Variants in LMNTD1 observed in about 807,000 individuals in gnomAD.
LMNTD1 encodes lamin tail domain-containing protein 1.
LMNTD1 carries 35 observed loss-of-function variants against 50.9 expected under a neutral mutation model. The ratio of observed to expected loss-of-function variants is 0.69; its 90% CI spans 0.53 to 0.91. The LOEUF is 0.91. Among genes scored for constraint, LMNTD1 ranks in the 40% least tolerant of loss-of-function variants. The probability of loss-of-function intolerance (pLI) is 0.00; values close to 1 mark genes in which losing one functional copy is unlikely to be tolerated. For missense variants in LMNTD1, 470 were observed against 475.5 expected (o/e 0.99, Z 0.11); for synonymous variants, 153 against 161.9 (o/e 0.94, Z 0.42).
Position 25,549,446 on chromosome 12 carries a change from C to T in LMNTD1, c.190G>A (p.Gly64Arg), listed in dbSNP as rs1282448764. 5 of 1,613,230 alleles carry T rather than the reference C, an allele frequency of 3.1e-6. No homozygotes were observed. The highest frequency in any genetic ancestry group is 4.2e-6 in the Non-Finnish European group (5 of 1,179,358). Residue 64 changes from glycine (G) to arginine (R), a missense_variant, in exon 3 of 10, where the codon GGA (glycine) becomes AGA (arginine). Gly to Arg is a moderately radical substitution (Grantham distance 125). Transcript: ENST00000458174. ...TLPLSSSNSS[G>R]MPLGYYLSSP... ...GACAGATAGTAACCAAGAGGCATTC[C>T]ACTGGAATTTGAAGATGACAATGGC...
At chr12:25,551,192 A>C (rs1943725414) in intron 2 of LMNTD1, among the ~76,000 whole-genome samples, 2 of 152,196 alleles carry the variant, frequency 1.3e-5, no homozygotes, top group Non-Finnish European at 1.5e-5. Flanking sequence ...GCTTCATAAC[A>C]GACTGGCTAT....
chr12:25,496,422 C>T (rs1213603024), intron 9 of LMNTD1, among the ~76,000 whole-genome samples: 1 of 152,112 alleles, frequency 6.6e-6, no homozygotes, highest in African/African-American at 2.4e-5. Flanking sequence ...ATGAACAAAA[C>T]GGAACAGTCT....
intron 1 of LMNTD1, among the ~76,000 whole-genome samples, chr12:25,645,427 T>C (rs551097503): frequency 1.1e-4 from 17 of 152,272 alleles, no homozygotes; most frequent in African/African-American, 4.1e-4. Flanking sequence ...TTGTGACCAT[T>C]AGACATATTT....
chr12:25,562,245 AT>A (rs1483198037), intron 1 of LMNTD1, among the ~76,000 whole-genome samples: 1 of 152,096 alleles, frequency 6.6e-6, no homozygotes, highest in Non-Finnish European at 1.5e-5. Context: ...GGTCTTTACA[AT>A]TTGCCATGTT....
chr12:25,558,051 T>A (rs531725914), upstream of LMNTD1, among the ~76,000 whole-genome samples: 1 of 152,196 alleles, frequency 6.6e-6, no homozygotes, highest in African/African-American at 2.4e-5. Flanking sequence ...AGGAACCCTG[T>A]TTAAAATATG....
chr12:25,577,582 G>T (rs936461078), intron 1 of LMNTD1, among the ~76,000 whole-genome samples: 1 of 151,978 alleles, frequency 6.6e-6, no homozygotes, highest in Non-Finnish European at 1.5e-5. Flanking sequence ...GGAGATTTTG[G>T]GCTGAGACAA....
intron 6 of LMNTD1, among the ~76,000 whole-genome samples, chr12:25,520,999 T>C (rs1941278167): frequency 1.3e-5 from 2 of 152,240 alleles, no homozygotes; most frequent in Admixed American, 6.5e-5. Context: ...TGGCCATTTT[T>C]TAAATGTCTT....
chr12:25,614,827 C>T (rs1347166195), intron 1 of LMNTD1, among the ~76,000 whole-genome samples: 6 of 152,064 alleles, frequency 3.9e-5, no homozygotes, highest in Admixed American at 3.9e-4. Context: ...AGTCCAAGAC[C>T]AAGGTATTGT....
chr12:25,478,175 TCAATC>T (rs1398658412), intron 9 of LMNTD1, among the ~76,000 whole-genome samples: 1 of 152,122 alleles, frequency 6.6e-6, no homozygotes, highest in Admixed American at 6.6e-5. Context: ...GATCAATACT[TCAATC>T]CAATCAAGTT....
chr12:25,605,441 G>C (rs1413774181), intron 1 of LMNTD1, among the ~76,000 whole-genome samples: 6 of 152,250 alleles, frequency 3.9e-5, no homozygotes, highest in Non-Finnish European at 7.4e-5. Flanking sequence ...GAATGGTATT[G>C]CCTAGGTTTT....
intron 1 of LMNTD1, among the ~76,000 whole-genome samples, chr12:25,578,047 G>A (rs987804580): frequency 5.3e-5 from 8 of 152,068 alleles, no homozygotes; most frequent in Non-Finnish European, 8.8e-5. Context: ...AGTTGTCCAC[G>A]TGCTTATTTG....
intron 8 of LMNTD1, among the ~76,000 whole-genome samples, chr12:25,513,447 C>T (rs1194200178): frequency 3.9e-5 from 6 of 152,122 alleles, no homozygotes; most frequent in Admixed American, 2.0e-4. Flanking sequence ...ACCAGCCTGG[C>T]CAACATGGCA....
chr12:25,590,763 C>A (rs1945673606), intron 1 of LMNTD1, among the ~76,000 whole-genome samples: 2 of 152,248 alleles, frequency 1.3e-5, no homozygotes, highest in South Asian at 2.1e-4. Flanking sequence ...GATAGAGCAC[C>A]AGTAAGAGTT....
chr12:25,583,544 T>C (rs1224353306), intron 1 of LMNTD1, among the ~76,000 whole-genome samples: 1 of 152,244 alleles, frequency 6.6e-6, no homozygotes, highest in East Asian at 1.9e-4. Context: ...TGAGATATCA[T>C]ATCTCATTCT....
At chr12:25,582,043 G>A (rs1438791472) in intron 1 of LMNTD1, among the ~76,000 whole-genome samples, 1 of 152,200 alleles carries the variant, frequency 6.6e-6, no homozygotes, top group East Asian at 1.9e-4. Flanking sequence ...TCCATGTGAA[G>A]GGGCAAAAGC....
chr12:25,506,924 G>A (rs1939830324), intron 8 of LMNTD1, among the ~76,000 whole-genome samples: 1 of 151,922 alleles, frequency 6.6e-6, no homozygotes, highest in African/African-American at 2.4e-5. Context: ...TTGTTGCCCA[G>A]GCTGGAGTGT....
intron 1 of LMNTD1, among the ~76,000 whole-genome samples, chr12:25,625,250 C>T (rs903888042): frequency 1.3e-5 from 2 of 152,154 alleles, no homozygotes; most frequent in Non-Finnish European, 1.5e-5. Flanking sequence ...AGCTTTCATC[C>T]TTGGTTTCAT....
intron 4 of LMNTD1, among the ~76,000 whole-genome samples, chr12:25,545,430 T>C (rs1213382202): frequency 6.6e-6 from 1 of 151,648 alleles, no homozygotes; most frequent in Non-Finnish European, 1.5e-5. Context: ...CCTCAGGAAT[T>C]GTCTCATCCT....
chr12:25,525,014 T>C (rs1266161340), intron 6 of LMNTD1, among the ~76,000 whole-genome samples: 1 of 152,098 alleles, frequency 6.6e-6, no homozygotes, highest in African/African-American at 2.4e-5. Flanking sequence ...AAAAAGAAAC[T>C]CAGAGATAGA....
Sources: gnomAD v4.1 joint callset for allele counts (sites outside exome capture counted in the v4.1 genomes callset) on GRCh38, gnomAD v4.1.1 for gene constraint, MANE v1.5 for transcripts, NCBI Gene and HGNC (gene_info 2026-07-23, HGNC 2026-07-21) for gene names.